MEIS2: variants seen among roughly 807,000 people sequenced by gnomAD.
MEIS2 encodes homeobox protein Meis2.
A neutral mutation model predicts 58.6 loss-of-function variants in MEIS2; 9 were observed. That is an observed-to-expected ratio of 0.15 (90% CI 0.09 to 0.27). The LOEUF is 0.27. Ranked by LOEUF, MEIS2 falls within the 10% of genes least tolerant of loss-of-function variation. The pLI, the probability that MEIS2 is intolerant of heterozygous loss-of-function variation, is 1.00. For synonymous variants in MEIS2, 221 were observed against 228.4 expected (o/e 0.97, Z 0.29); for missense variants, 427 against 635.0 (o/e 0.67, Z 3.52).
At chr15:36,894,069 C>T (rs1377100965) in intron 11 of MEIS2, among the ~76,000 whole-genome samples, 1 of 152,150 alleles carries the variant, frequency 6.6e-6, no homozygotes, top group Non-Finnish European at 1.5e-5. Flanking sequence ...AAAATCCATT[C>T]CTTCATATTC....
intron 7 of MEIS2, among the ~76,000 whole-genome samples, chr15:37,081,227 G>A (rs1892167678): frequency 6.6e-6 from 1 of 151,992 alleles, no homozygotes; most frequent in East Asian, 1.9e-4. Flanking sequence ...TTTTCCATAT[G>A]CCTGTTTTGC....
intron 1 of MEIS2, chr15:37,099,182 C>G: frequency 7.2e-7 from 1 of 1,396,752 alleles, no homozygotes; most frequent in Non-Finnish European, 9.3e-7. Flanking sequence ...CGCACACACA[C>G]ACACCACTCA....
chr15:36,898,494 G>A (rs915588745), intron 9 of MEIS2: 4 of 152,038 alleles, frequency 2.6e-5, no homozygotes, highest in African/African-American at 9.7e-5. Flanking sequence ...TGTGTTTTGC[G>A]TTTTTTATTT....
In MEIS2 at chr15:36,910,818, G is replaced by A. The variant is rs1216113890; in HGVS notation, c.978-14132C>T. ...TCCCAGCACTTTGGGAGGCCTAGGC[G>A]GGCGGATCACGAGGTCAGGAGTTCA... On this transcript the variant is annotated intron_variant, in intron 9 of 11. Coordinates refer to ENST00000561208, the MANE Select transcript of MEIS2 (RefSeq NM_170675.5). Among the ~76,000 whole-genome samples the A allele has an allele frequency of 5.9e-5, 9 of 152,168 alleles. No individual in the cohort carries two copies. In the South Asian group the frequency reaches 1.4e-3, roughly 25 times the overall value.
At chr15:37,077,354 C>G (rs182042590) in intron 7 of MEIS2, among the ~76,000 whole-genome samples, 1 of 152,144 alleles carries the variant, frequency 6.6e-6, no homozygotes, top group African/African-American at 2.4e-5. Context: ...GCCCCCTACC[C>G]AATCCATTTT....
At chr15:36,932,920 T>C (rs2058035025) in intron 9 of MEIS2, among the ~76,000 whole-genome samples, 1 of 152,128 alleles carries the variant, frequency 6.6e-6, no homozygotes, top group Non-Finnish European at 1.5e-5. Flanking sequence ...TTGGAAAAAT[T>C]TGCTCTTCCA....
intron 8 of MEIS2, among the ~76,000 whole-genome samples, chr15:36,973,484 G>T (rs934674607): frequency 6.6e-6 from 1 of 152,166 alleles, no homozygotes; most frequent in Non-Finnish European, 1.5e-5. Context: ...ATGGAGAAAA[G>T]GAGAGTAGGC....
chr15:36,995,570 G>A (rs1875818746), intron 8 of MEIS2, among the ~76,000 whole-genome samples: 1 of 148,406 alleles, frequency 6.7e-6, no homozygotes, highest in Admixed American at 6.7e-5. Flanking sequence ...CCTTTTACCT[G>A]GATTAATGGC....
chr15:36,925,138 AC>A (rs1296519104), intron 9 of MEIS2, among the ~76,000 whole-genome samples: 3 of 152,212 alleles, frequency 2.0e-5, no homozygotes, highest in Admixed American at 2.0e-4. Flanking sequence ...AAAAACAAAA[AC>A]AAAAACAAAA....
At chr15:36,963,621 C>T (rs560078714) in intron 8 of MEIS2, among the ~76,000 whole-genome samples, 1 of 152,224 alleles carries the variant, frequency 6.6e-6, no homozygotes, top group Non-Finnish European at 1.5e-5. Flanking sequence ...ACCTAACTAG[C>T]CAATTTTGAA....
chr15:37,097,870 A>C, intron 2 of MEIS2, 97 bp downstream of exon 2: 3 of 1,449,396 alleles, frequency 2.1e-6, no homozygotes, highest in Non-Finnish European at 2.7e-6. Context: ...ATACAGAAGT[A>C]ACTCCCCACT....
intron 11 of MEIS2, among the ~76,000 whole-genome samples, chr15:36,893,251 G>T (rs554849114): frequency 2.0e-5 from 3 of 152,288 alleles, no homozygotes; most frequent in East Asian, 1.9e-4. Flanking sequence ...TTGAATTAAG[G>T]TTATATTTAC....
At chr15:36,996,623 G>A (rs2060530163) in intron 8 of MEIS2, among the ~76,000 whole-genome samples, 1 of 152,144 alleles carries the variant, frequency 6.6e-6, no homozygotes, top group Non-Finnish European at 1.5e-5. Context: ...AGAAGGCACT[G>A]TTTCTTTCTT....
At chr15:36,896,870 GC>G in intron 9 of MEIS2, 184 bp from the exon 10 acceptor site, 1 of 566,432 alleles carries the variant, frequency 1.8e-6, no homozygotes, top group South Asian at 2.3e-5. Flanking sequence ...CGTCGTCACT[GC>G]GTAGTCAACT....
At chr15:37,009,724 A>G (rs370969268) in intron 8 of MEIS2, among the ~76,000 whole-genome samples, 74 of 152,348 alleles carry the variant, frequency 4.9e-4, no homozygotes, top group African/African-American at 1.6e-3. Context: ...TGGAAAATTT[A>G]AAGATTTCTT....
intron 9 of MEIS2, among the ~76,000 whole-genome samples, chr15:36,900,351 G>A (rs1314778247): frequency 6.6e-6 from 1 of 152,086 alleles, no homozygotes; most frequent in Non-Finnish European, 1.5e-5. Flanking sequence ...ATACCCTAAA[G>A]AGCCCTAGTT....
At chr15:37,052,787 A>C (rs2141814484) in intron 7 of MEIS2, among the ~76,000 whole-genome samples, 1 of 152,340 alleles carries the variant, frequency 6.6e-6, no homozygotes, top group African/African-American at 2.4e-5. Context: ...TTTGCTTTAT[A>C]AAAATATCTT....
chr15:36,959,322 CTA>C (rs1231500385), intron 8 of MEIS2, among the ~76,000 whole-genome samples: 1 of 152,164 alleles, frequency 6.6e-6, no homozygotes, highest in East Asian at 1.9e-4. Context: ...CTTTGCCACC[CTA>C]TCTTTCCCCG....
intron 8 of MEIS2, among the ~76,000 whole-genome samples, chr15:36,954,657 C>T (rs890379108): frequency 1.1e-4 from 16 of 152,124 alleles, no homozygotes; most frequent in African/African-American, 3.9e-4. Flanking sequence ...ACCTTCCTAC[C>T]CTGTAAGTCT....
Sources: allele counts gnomAD v4.1 joint callset (sites outside exome capture counted in the v4.1 genomes callset), GRCh38; gene constraint gnomAD v4.1.1; transcripts MANE v1.5; gene names NCBI Gene and HGNC (gene_info 2026-07-23, HGNC 2026-07-21).